FBN2: variants seen among roughly 807,000 people sequenced by gnomAD.
FBN2 encodes fibrillin-2.
A neutral mutation model predicts 355.6 loss-of-function variants in FBN2; 105 were observed. The observed-to-expected ratio is 0.30, with a 90% CI of 0.25 to 0.35. FBN2 has a LOEUF of 0.35. Among genes scored for constraint, FBN2 ranks in the 10% least tolerant of loss-of-function variants. FBN2 has a pLI of 1.00. For missense variants in FBN2, 3,280 were observed against 3,758.7 expected (o/e 0.87, Z 3.33); for synonymous variants, 1,350 against 1,301.2 (o/e 1.04, Z -0.81).
At chr5:128,293,132 G>A (rs1561752580) in intron 48 of FBN2, among the ~76,000 whole-genome samples, 1 of 152,172 alleles carries the variant, frequency 6.6e-6, no homozygotes, top group East Asian at 1.9e-4. Flanking sequence ...CTATGTCTGT[G>A]TATGTGTGTG....
At chr5:128,498,646 T>A (rs1195596469) in intron 5 of FBN2, among the ~76,000 whole-genome samples, 2 of 152,364 alleles carry the variant, frequency 1.3e-5, no homozygotes, top group East Asian at 3.9e-4. Flanking sequence ...TTTATAGCTT[T>A]GTAGAGTCAT....
chr5:128,263,379 AG>A (rs751423415), intron 63 of FBN2, 45 bp downstream of exon 63: 14 of 1,460,616 alleles, frequency 9.6e-6, no homozygotes, highest in Non-Finnish European at 1.2e-5. Context: ...GAACTCACTC[AG>A]GAACCATGTA....
intron 41 of FBN2, 61 bp from the exon 42 acceptor site, chr5:128,307,264 T>G: frequency 1.1e-6 from 1 of 918,684 alleles, no homozygotes. Flanking sequence ...AAAATAACAT[T>G]TTGTATTACT....
intron 4 of FBN2, among the ~76,000 whole-genome samples, chr5:128,525,308 G>T (rs952544175): frequency 6.6e-6 from 1 of 152,110 alleles, no homozygotes; most frequent in Non-Finnish European, 1.5e-5. Context: ...AACAGAGTTG[G>T]CAATCAGATA....
At chr5:128,512,277 C>T (rs1042520175) in intron 5 of FBN2, among the ~76,000 whole-genome samples, 3 of 151,920 alleles carry the variant, frequency 2.0e-5, no homozygotes, top group African/African-American at 4.8e-5. Flanking sequence ...TTTCGGAGGC[C>T]GAGGCGGGTG....
At chr5:128,434,875 G>T (rs1753734957) in intron 7 of FBN2, among the ~76,000 whole-genome samples, 2 of 152,046 alleles carry the variant, frequency 1.3e-5, no homozygotes, top group South Asian at 4.1e-4. Context: ...TTCATTCAGG[G>T]TAGAATAGGT....
intron 5 of FBN2, among the ~76,000 whole-genome samples, chr5:128,500,545 C>T (rs1174248950): frequency 6.7e-6 from 1 of 148,478 alleles, no homozygotes; most frequent in Non-Finnish European, 1.5e-5. Context: ...CGGGTTCACG[C>T]CATTCTCCCG....
Position 128,288,332 on chromosome 5 carries a change from G to C in FBN2, c.6757+106C>G, listed in dbSNP as rs146494311. ...AACCCAAAAAACAAAAAACCCCACC[G>C]TATGCTCACCAGCAGAATATCAGAA... On this transcript the variant is annotated intron_variant, in intron 53 of 64. Transcript: ENST00000262464. 3 of 1,346,960 alleles carry C rather than the reference G, an allele frequency of 2.2e-6. No homozygotes were observed. In the African/African-American group the frequency reaches 4.4e-5, roughly 20 times the overall value. 83.4% of individuals were successfully genotyped at this position (1,346,960 alleles called of 1,614,324 possible).
At chr5:128,482,746 T>C (rs934093887) in intron 5 of FBN2, among the ~76,000 whole-genome samples, 2 of 152,194 alleles carry the variant, frequency 1.3e-5, no homozygotes, top group African/African-American at 4.8e-5. Flanking sequence ...AGTTAATATG[T>C]TTAAATGAGG....
Position 128,464,920 on chromosome 5 carries a change from A to G in FBN2, c.630T>C (p.Asp210=). The G allele has an allele frequency of 6.2e-7, 1 of 1,614,202 alleles. No individual in the cohort carries two copies. Among genetic ancestry groups the G allele is most frequent in the East Asian group, 2.2e-5 (1 of 44,886 alleles). The change falls in exon 6 of 65, where the codon GAT becomes GAC. Residue 210 remains aspartate (D), a splice_region_variant and synonymous_variant. Coordinates refer to ENST00000262464, the MANE Select transcript of FBN2 (RefSeq NM_001999.4). ...YGFTGPQCER[D]YRTGPCFTQV... is the part of the protein sequence containing the mutation. ...GAGTGAAACACGGGCCTGTCCTGTA[A>G]TCTGGAATGTGGGAGAAGAAAGAAA...
At chr5:128,434,392 GTGTATATATATATATATA>G (rs1554068942) in intron 7 of FBN2, among the ~76,000 whole-genome samples, 2 of 44,112 alleles carry the variant, frequency 4.5e-5, no homozygotes. Flanking sequence ...TGAATAAAGT[GTGTATATATATATATATA>G]TATATATATA....
chr5:128,328,225 G>A, intron 34 of FBN2: 1 of 270,592 alleles, frequency 3.7e-6, no homozygotes, highest in Non-Finnish European at 7.1e-6. Context: ...TTAAGCAAAA[G>A]TACAGCCCTT....
At chr5:128,330,502 C>A in intron 33 of FBN2, 71 bp downstream of exon 33, 2 of 1,545,198 alleles carry the variant, frequency 1.3e-6, no homozygotes. Context: ...TTATAATTTT[C>A]TTCAAATAAG....
At chr5:128,501,201 A>G (rs912023753) in intron 5 of FBN2, among the ~76,000 whole-genome samples, 3 of 152,348 alleles carry the variant, frequency 2.0e-5, no homozygotes, top group Middle Eastern at 3.4e-3. Context: ...TCCTCTTTGA[A>G]AAAGAATACT....
In FBN2 at chr5:128,366,439, C is replaced by CA. The variant is rs1225257310; in HGVS notation, c.2249-10dup. ...AAGGCCGTGGAATTCAGCTGTATGACAAAAAGAAATAGAAGAATTAAAAAC... is the reference window on the plus strand; with the variant it reads ...AAGGCCGTGGAATTCAGCTGTATGACAAAAAAGAAATAGAAGAATTAAAAAC... On this transcript the variant is annotated splice_polypyrimidine_tract_variant and intron_variant, in intron 16 of 64. Coordinates refer to ENST00000262464, the MANE Select transcript of FBN2 (RefSeq NM_001999.4). 1 of 1,590,854 alleles carries CA rather than the reference C, an allele frequency of 6.3e-7. No individual in the cohort carries two copies. The highest frequency in any genetic ancestry group is 1.7e-5 in the Admixed American group (1 of 59,528).
chr5:128,421,419 T>A (rs779507591), intron 7 of FBN2, among the ~76,000 whole-genome samples: 7 of 151,986 alleles, frequency 4.6e-5, no homozygotes, highest in Non-Finnish European at 1.0e-4. Context: ...AAAGCAAGAA[T>A]AAGGGGAAAT....
intron 48 of FBN2, among the ~76,000 whole-genome samples, chr5:128,298,760 A>C (rs938940747): frequency 5.3e-5 from 8 of 152,086 alleles, no homozygotes; most frequent in Non-Finnish European, 1.0e-4. Flanking sequence ...CAAAGTTTTC[A>C]AGTTCTTTGC....
chr5:128,449,502 T>C (rs146401448), intron 6 of FBN2, among the ~76,000 whole-genome samples: 1 of 147,714 alleles, frequency 6.8e-6, no homozygotes, highest in East Asian at 2.0e-4. Context: ...TTATACTATT[T>C]GAAAATAGAA....
chr5:128,361,657 T>C (rs1751640326), intron 19 of FBN2, 66 bp downstream of exon 19: 1 of 1,532,342 alleles, frequency 6.5e-7, no homozygotes, highest in African/African-American at 1.4e-5. Context: ...TTCATCACTG[T>C]AATTGATGTT....
Sources: gnomAD v4.1 joint callset for allele counts (sites outside exome capture counted in the v4.1 genomes callset) on GRCh38, gnomAD v4.1.1 for gene constraint, MANE v1.5 for transcripts, NCBI Gene and HGNC (gene_info 2026-07-23, HGNC 2026-07-21) for gene names.